PDE4D: variants seen among roughly 807,000 people sequenced by gnomAD.
PDE4D encodes 3',5'-cyclic-AMP phosphodiesterase 4D.
In PDE4D, 24 loss-of-function variants were observed where a neutral mutation model predicts 87.4. The observed-to-expected ratio is 0.27, with a 90% CI of 0.20 to 0.39. The LOEUF (loss-of-function observed/expected upper bound fraction) is 0.39, where lower values mean the gene tolerates loss of function less well. Ranked by LOEUF, PDE4D falls within the 10% of genes least tolerant of loss-of-function variation. The pLI is 1.00. For missense variants in PDE4D, 714 were observed against 1,041.0 expected, an observed-to-expected ratio of 0.69 and a Z score of 4.32; for synonymous variants, 384 against 383.2, an observed-to-expected ratio of 1.00 and a Z score of -0.02.
At chr5:59,622,022 C>T (rs1472626839) in intron 1 of PDE4D, among the ~76,000 whole-genome samples, 1 of 152,046 alleles carries the variant, frequency 6.6e-6, no homozygotes, top group African/African-American at 2.4e-5. Context: ...ACAAGTATTG[C>T]CTCTTTTTAA....
intron 1 of PDE4D, among the ~76,000 whole-genome samples, chr5:59,257,982 G>A (rs1435711361): frequency 1.3e-5 from 2 of 151,910 alleles, no homozygotes; most frequent in Non-Finnish European, 2.9e-5. Context: ...CTTGTAGGTA[G>A]GAAACCCATC....
At chr5:59,265,235 C>A (rs1415182416) in intron 1 of PDE4D, among the ~76,000 whole-genome samples, 1 of 151,936 alleles carries the variant, frequency 6.6e-6, no homozygotes, top group African/African-American at 2.4e-5. Context: ...GAAACCCCTG[C>A]CTAGTTGTGC....
In PDE4D at chr5:59,556,689, C is replaced by A. The variant is rs1466869297; in HGVS notation, c.455+336479G>T. Among the ~76,000 whole-genome samples, 4 of 152,150 alleles carry A rather than the reference C, an allele frequency of 2.6e-5. 1 individual carries two copies. The highest frequency in any genetic ancestry group is 4.1e-4 in the South Asian group (2 of 4,830). On this transcript the variant is annotated intron_variant, in intron 1 of 14. Transcript: ENST00000340635. Reference sequence around the variant, plus strand: ...CGTAACTATGAGATGGGTTTCTGGGCTCCTTCAGAGGAAGCACTATGACTC... The same window carrying A: ...CGTAACTATGAGATGGGTTTCTGGGATCCTTCAGAGGAAGCACTATGACTC...
At chr5:59,464,708 C>T (rs540416959) in intron 1 of PDE4D, among the ~76,000 whole-genome samples, 3 of 152,268 alleles carry the variant, frequency 2.0e-5, no homozygotes, top group Admixed American at 6.5e-5. Context: ...TCTCGTTCCA[C>T]CTAATGAGAA....
At chr5:60,397,200 T>C (rs1485379720) in intron 1 of PDE4D, among the ~76,000 whole-genome samples, 2 of 152,192 alleles carry the variant, frequency 1.3e-5, no homozygotes, top group African/African-American at 4.8e-5. Context: ...CATGGGAATG[T>C]AAATTAGTGC....
In PDE4D at chr5:58,969,632, A is replaced by G. The variant is rs1196985529; in HGVS notation, c.*5032T>C. 6.6e-6 allele frequency: 1 copy of G among 152,160 alleles called. No homozygotes were observed. The highest frequency in any genetic ancestry group is 1.5e-5 in the Non-Finnish European group (1 of 68,036). The allele number at this position is 152,160 out of a possible 1,614,324, so 9.4% of individuals were successfully genotyped here. On this transcript the variant is annotated 3_prime_UTR_variant, in exon 15 of 15. Coordinates refer to ENST00000340635, the MANE Select transcript of PDE4D (RefSeq NM_001104631.2). Reference sequence around the variant, plus strand: ...TGAGCTCCTTCATTGTACTGATCACATATATAATTATATGAGTATTGTTTA... The same window carrying G: ...TGAGCTCCTTCATTGTACTGATCACGTATATAATTATATGAGTATTGTTTA...
intron 5 of PDE4D, among the ~76,000 whole-genome samples, chr5:59,056,667 T>C (rs1232402390): frequency 6.6e-6 from 1 of 152,144 alleles, no homozygotes; most frequent in Non-Finnish European, 1.5e-5. Flanking sequence ...TTCTCATTGT[T>C]CAACTCCCAC....
At chr5:59,327,306 A>G (rs776608236) in intron 1 of PDE4D, among the ~76,000 whole-genome samples, 2 of 152,108 alleles carry the variant, frequency 1.3e-5, no homozygotes, top group African/African-American at 2.4e-5. Context: ...CTCTTTCTGA[A>G]AAATGGAAAA....
chr5:59,414,783 A>T (rs1207650703), intron 1 of PDE4D, among the ~76,000 whole-genome samples: 1 of 152,108 alleles, frequency 6.6e-6, no homozygotes, highest in Non-Finnish European at 1.5e-5. Flanking sequence ...GAGCCCATGT[A>T]CTCCTATATG....
At chr5:59,876,609 T>TC (rs375274469) in intron 1 of PDE4D, among the ~76,000 whole-genome samples, 1 of 152,142 alleles carries the variant, frequency 6.6e-6, no homozygotes, top group African/African-American at 2.4e-5. Context: ...TCAACTGGAC[T>TC]CCCCCCACCT....
At chr5:59,330,735 T>C (rs1444197063) in intron 1 of PDE4D, among the ~76,000 whole-genome samples, 1 of 152,206 alleles carries the variant, frequency 6.6e-6, no homozygotes, top group Non-Finnish European at 1.5e-5. Flanking sequence ...ATTTCATATG[T>C]AGACTAAATT....
intron 1 of PDE4D, among the ~76,000 whole-genome samples, chr5:60,437,599 C>T (rs948758160): frequency 6.6e-6 from 1 of 152,014 alleles, no homozygotes; most frequent in Non-Finnish European, 1.5e-5. Context: ...CATGGCAGGC[C>T]TTGAATAGTC....
chr5:60,508,231 C>T (rs1443837847), intron 1 of PDE4D, among the ~76,000 whole-genome samples: 3 of 152,194 alleles, frequency 2.0e-5, no homozygotes, highest in South Asian at 2.1e-4. Context: ...CCAGCCAAAA[C>T]CTTCTTTGAC....
chr5:60,265,470 A>G (rs1750097893), intron 1 of PDE4D, among the ~76,000 whole-genome samples: 1 of 152,204 alleles, frequency 6.6e-6, no homozygotes, highest in South Asian at 2.1e-4. Flanking sequence ...CCACAGGAGC[A>G]CAATGGAGAG....
intron 1 of PDE4D, among the ~76,000 whole-genome samples, chr5:59,677,722 T>C (rs1748339359): frequency 6.6e-6 from 1 of 152,094 alleles, no homozygotes; most frequent in African/African-American, 2.4e-5. Flanking sequence ...GAGTTGAAAA[T>C]AGAAAGGGTT....
chr5:59,378,762 C>T (rs1204177980), intron 1 of PDE4D, among the ~76,000 whole-genome samples: 2 of 152,080 alleles, frequency 1.3e-5, no homozygotes, highest in Non-Finnish European at 2.9e-5. Flanking sequence ...CATTTTTGCC[C>T]ATATTATTTA....
At chr5:60,332,034 C>A (rs1021588453) in intron 1 of PDE4D, among the ~76,000 whole-genome samples, 1 of 152,130 alleles carries the variant, frequency 6.6e-6, no homozygotes, top group African/African-American at 2.4e-5. Context: ...AAAATATTAC[C>A]TAAACCGTAT....
At chr5:59,440,675 C>T (rs1014126737) in intron 1 of PDE4D, among the ~76,000 whole-genome samples, 8 of 152,136 alleles carry the variant, frequency 5.3e-5, no homozygotes, top group Non-Finnish European at 1.0e-4. Context: ...ATTCAGGAGG[C>T]TGAGGCAGGA....
At chr5:59,741,641 T>TA (rs1209305302) in intron 1 of PDE4D, among the ~76,000 whole-genome samples, 1 of 152,230 alleles carries the variant, frequency 6.6e-6, no homozygotes, top group Non-Finnish European at 1.5e-5. Context: ...AACTTTTCAT[T>TA]AGTAACATGA....
Sources: allele counts gnomAD v4.1 joint callset (sites outside exome capture counted in the v4.1 genomes callset), GRCh38; gene constraint gnomAD v4.1.1; transcripts MANE v1.5; gene names NCBI Gene and HGNC (gene_info 2026-07-23, HGNC 2026-07-21).